Variants in ST6GAL2 observed in about 807,000 individuals in gnomAD.
ST6GAL2 encodes ST6 beta-galactoside alpha-2,6-sialyltransferase 2.
In ST6GAL2, 24 loss-of-function variants were observed where a neutral mutation model predicts 37.5. That is an observed-to-expected ratio of 0.64 (90% confidence interval 0.46 to 0.90). The LOEUF (loss-of-function observed/expected upper bound fraction) is 0.90. Among genes scored for constraint, ST6GAL2 ranks in the 40% least tolerant of loss-of-function variants. ST6GAL2 has a pLI of 0.00. For synonymous variants in ST6GAL2, 306 were observed against 295.1 expected (o/e 1.04, Z -0.38); for missense variants, 715 against 712.7 (o/e 1.00, Z -0.04).
intron 5 of ST6GAL2, among the ~76,000 whole-genome samples, chr2:106,813,472 G>A (rs1373230050): frequency 6.6e-6 from 1 of 152,050 alleles, no homozygotes; most frequent in Non-Finnish European, 1.5e-5. Context: ...TTTAACACAT[G>A]TTCAGATTAT....
chr2:106,838,513 C>T (rs1027936257), intron 2 of ST6GAL2, among the ~76,000 whole-genome samples: 4 of 152,164 alleles, frequency 2.6e-5, no homozygotes, highest in African/African-American at 9.7e-5. Context: ...GATGTACTTC[C>T]CTTGCACCCT....
At chr2:106,807,694 T>C (rs950334598) in intron 5 of ST6GAL2, among the ~76,000 whole-genome samples, 1 of 149,490 alleles carries the variant, frequency 6.7e-6, no homozygotes, top group African/African-American at 2.5e-5. Context: ...AGTGGCGCGA[T>C]CTCACTGCAA....
chr2:106,845,580 G>A (rs1043901386), intron 1 of ST6GAL2, among the ~76,000 whole-genome samples: 5 of 152,152 alleles, frequency 3.3e-5, no homozygotes, highest in Non-Finnish European at 7.3e-5. Flanking sequence ...GTAATACAAT[G>A]GTTGTGTTTT....
intron 1 of ST6GAL2, among the ~76,000 whole-genome samples, chr2:106,874,716 G>A (rs1455094444): frequency 6.6e-6 from 1 of 152,178 alleles, no homozygotes; most frequent in Admixed American, 6.5e-5. Flanking sequence ...TGAAGCCCAA[G>A]AAACACTTCA....
chr2:106,830,944 T>TCA (rs1676398253), intron 4 of ST6GAL2, among the ~76,000 whole-genome samples: 1 of 152,214 alleles, frequency 6.6e-6, no homozygotes, highest in African/African-American at 2.4e-5. Flanking sequence ...ACCATGTATG[T>TCA]TATTGTATGA....
chr2:106,812,151 ATGT>A (rs377077464), intron 5 of ST6GAL2, among the ~76,000 whole-genome samples: 1 of 152,250 alleles, frequency 6.6e-6, no homozygotes, highest in Non-Finnish European at 1.5e-5. Context: ...GTAAGAAGAG[ATGT>A]TGTGGAGATG....
chr2:106,857,331 C>T (rs752978880), intron 1 of ST6GAL2, among the ~76,000 whole-genome samples: 2 of 151,972 alleles, frequency 1.3e-5, no homozygotes, highest in East Asian at 1.9e-4. Context: ...GGCCAGGCAC[C>T]GTGGCTCATG....
intron 1 of ST6GAL2, among the ~76,000 whole-genome samples, chr2:106,847,238 A>C (rs1240638915): frequency 6.6e-6 from 1 of 152,232 alleles, no homozygotes; most frequent in Non-Finnish European, 1.5e-5. Flanking sequence ...TCTTACCAGG[A>C]ACTGGTAATG....
chr2:106,868,870 A>T (rs1678145859), intron 1 of ST6GAL2, among the ~76,000 whole-genome samples: 1 of 152,180 alleles, frequency 6.6e-6, no homozygotes, highest in South Asian at 2.1e-4. Flanking sequence ...AAGAAAAAGA[A>T]AAAAAAACCA....
intron 5 of ST6GAL2, among the ~76,000 whole-genome samples, chr2:106,828,829 A>AC (rs11444874): frequency 0.23 from 35,519 of 151,996 alleles, 4,897 homozygotes; most frequent in East Asian, 0.49. Context: ...CCTTAATATT[A>AC]CCCACTCGGG....
Position 106,843,106 on chromosome 2 carries a change from C to G in ST6GAL2, c.872G>C (p.Arg291Pro). Residue 291 changes from arginine (R) to proline (P), a missense_variant, in exon 2 of 6, where the codon CGC (arginine) becomes CCC (proline). By Grantham distance (103) the Arg-to-Pro change is moderately radical (BLOSUM62 -2). This residue lies in a region of ST6GAL2 where 512 missense variants were observed against 488.8 expected (regional missense o/e 1.05). Transcript: ENST00000409382. The stretch of plus-strand genomic sequence containing the variant: ...GACGACAGCGCAGCTGCGCAGGCCG[C>G]GGGGGTGCAGCTGGCTCAGGGGCAC... ...PAVPLSQLHP[R>P]GLRSCAVVMS... 6.4e-7 allele frequency: 1 copy of G among 1,555,050 alleles called. No individual in the cohort carries two copies. Among genetic ancestry groups the G allele is most frequent in the Non-Finnish European group, 8.6e-7 (1 of 1,156,232 alleles).
At chr2:106,824,194 T>C (rs1263170086) in intron 5 of ST6GAL2, among the ~76,000 whole-genome samples, 4 of 152,224 alleles carry the variant, frequency 2.6e-5, no homozygotes, top group Non-Finnish European at 4.4e-5. Flanking sequence ...AAGAAAAGGA[T>C]TTACAGTTCA....
At chr2:106,827,246 G>GA in intron 5 of ST6GAL2, among the ~76,000 whole-genome samples, 1 of 152,156 alleles carries the variant, frequency 6.6e-6, no homozygotes, top group East Asian at 1.9e-4. Flanking sequence ...GACAGATTGA[G>GA]ATATGGGTGA....
Position 106,839,365 on chromosome 2 carries a change from C to T in ST6GAL2, c.943+3670G>A, listed in dbSNP as rs78308810. ...CCAGCCCTCAGGGGAGTTAGGAATC[C>T]GTTGTCATTTCTGCCTTGTCAGCCT... On this transcript the variant is annotated intron_variant, in intron 2 of 5. Transcript: ENST00000409382. 4.3e-3 allele frequency among the ~76,000 whole-genome samples: 656 copies of T among 152,166 alleles called. 4 individuals are homozygous for T. Among genetic ancestry groups the T allele is most frequent in the African/African-American group, 0.014 (578 of 41,510 alleles).
intron 2 of ST6GAL2, 112 bp downstream of exon 2, chr2:106,842,923 C>T: frequency 7.3e-6 from 5 of 687,388 alleles, no homozygotes; most frequent in Non-Finnish European, 1.1e-5. Flanking sequence ...ACACCTGGTG[C>T]GGAGACCCCA....
chr2:106,824,241 G>A (rs1186150415), intron 5 of ST6GAL2, among the ~76,000 whole-genome samples: 1 of 152,138 alleles, frequency 6.6e-6, no homozygotes, highest in Non-Finnish European at 1.5e-5. Context: ...AAGTTTTAAG[G>A]ACAAAAACTG....
chr2:106,869,270 G>A (rs1440862257), intron 1 of ST6GAL2, among the ~76,000 whole-genome samples: 1 of 152,166 alleles, frequency 6.6e-6, no homozygotes, highest in African/African-American at 2.4e-5. Context: ...CAACCAATGG[G>A]GAAAGGGGTG....
chr2:106,815,177 G>T (rs188115962), intron 5 of ST6GAL2, among the ~76,000 whole-genome samples: 17 of 152,032 alleles, frequency 1.1e-4, no homozygotes, highest in African/African-American at 3.6e-4. Flanking sequence ...CAAATATGGA[G>T]TCTAATTAGA....
At chr2:106,811,272 C>T (rs1675600081) in intron 5 of ST6GAL2, among the ~76,000 whole-genome samples, 1 of 152,054 alleles carries the variant, frequency 6.6e-6, no homozygotes, top group South Asian at 2.1e-4. Context: ...TACACAAACA[C>T]CTGAAGAATA....
Sources: gnomAD v4.1 joint callset for allele counts (sites outside exome capture counted in the v4.1 genomes callset) on GRCh38, gnomAD v4.1.1 for gene constraint, gnomAD v4.1.1 regional missense constraint, MANE v1.5 for transcripts, NCBI Gene and HGNC (gene_info 2026-07-23, HGNC 2026-07-21) for gene names.